Variants in KIF5C observed in about 807,000 individuals in gnomAD.
KIF5C encodes the protein kinesin family member 5C, also known as kinesin heavy chain isoform 5C.
Under a neutral mutation model 125.2 loss-of-function variants are expected in KIF5C, and 18 were observed. The observed-to-expected ratio is 0.14, with a 90% confidence interval of 0.10 to 0.21. The LOEUF (loss-of-function observed/expected upper bound fraction) is 0.21. KIF5C is among the 10% of genes least tolerant of loss of function. The probability of loss-of-function intolerance (pLI) is 1.00; values close to 1 mark genes in which losing one functional copy is unlikely to be tolerated. For missense variants in KIF5C, 780 were observed against 1,183.8 expected, an observed-to-expected ratio of 0.66 and a Z score of 5.01; for synonymous variants, 405 against 434.0, an observed-to-expected ratio of 0.93 and a Z score of 0.83.
intron 1 of KIF5C, among the ~76,000 whole-genome samples, chr2:148,895,117 C>T (rs923971976): frequency 2.2e-4 from 33 of 151,958 alleles, no homozygotes; most frequent in Non-Finnish European, 4.3e-4. Flanking sequence ...CAGCTGTTAT[C>T]CCCCTCACTC....
At chr2:148,930,668 T>C (rs1233898915) in intron 3 of KIF5C, among the ~76,000 whole-genome samples, 1 of 152,184 alleles carries the variant, frequency 6.6e-6, no homozygotes, top group African/African-American at 2.4e-5. Context: ...TGATTTCAAG[T>C]GTGGGGTACA....
intron 1 of KIF5C, 57 bp from the exon 2 acceptor site, chr2:148,922,080 C>G (rs1022322512): frequency 4.9e-6 from 6 of 1,226,828 alleles, no homozygotes; most frequent in Admixed American, 2.1e-5. Flanking sequence ...ATTTTTTATT[C>G]CTAAACATCT....
chr2:148,875,568 GGCCCCGGCCCCCCACCCATCCCCGT>G lies in KIF5C; in HGVS notation c.-44_-20del. Reference sequence around the variant, plus strand: ...CGCGGCCTCCTCCCTCGTCGTTCCCGGCCCCGGCCCCCCACCCATCCCCGTGCCCCCTCCCTACCGCCGGCCGAGA... The same window carrying G: ...CGCGGCCTCCTCCCTCGTCGTTCCCGGCCCCCTCCCTACCGCCGGCCGAGA... On this transcript the variant is annotated 5_prime_UTR_variant, in exon 1 of 26. Transcript: ENST00000435030. 1 of 792,776 alleles carries G rather than the reference GGCCCCGGCCCCCCACCCATCCCCGT, an allele frequency of 1.3e-6. No individual in the cohort carries two copies. Among genetic ancestry groups the G allele is most frequent in the Non-Finnish European group, 2.1e-6 (1 of 469,482 alleles). The allele number at this position is 792,776 out of a possible 1,614,324, so 49.1% of individuals were successfully genotyped here.
intron 12 of KIF5C, among the ~76,000 whole-genome samples, chr2:148,978,366 T>C (rs1681138524): frequency 1.6e-5 from 2 of 124,324 alleles, no homozygotes; most frequent in African/African-American, 3.0e-5. Flanking sequence ...TTTTTTTAAC[T>C]GTTAAGAAAA....
At chr2:148,993,182 C>T (rs1245439097) in intron 16 of KIF5C, among the ~76,000 whole-genome samples, 1 of 152,172 alleles carries the variant, frequency 6.6e-6, no homozygotes, top group Non-Finnish European at 1.5e-5. Flanking sequence ...TGGACATGTT[C>T]CTTTGGCCTG....
chr2:148,920,237 AG>A (rs1325309830), intron 1 of KIF5C, among the ~76,000 whole-genome samples: 1 of 152,240 alleles, frequency 6.6e-6, no homozygotes, highest in Non-Finnish European at 1.5e-5. Context: ...TTGTATAAAT[AG>A]GGGATTTGTT....
Position 149,008,146 on chromosome 2 carries a change from G to A in KIF5C, c.2550+79G>A, listed in dbSNP as rs952840116. ...GCCCCACCAGGTTTGGCCACAGTGT[G>A]CGGAGAAGGCACTGAGATTGAAGGT... On this transcript the variant is annotated intron_variant, in intron 23 of 25. Coordinates refer to ENST00000435030, the MANE Select transcript of KIF5C (RefSeq NM_004522.3). The A allele has an allele frequency of 4.8e-6, 7 of 1,456,394 alleles. No individual in the cohort carries two copies. In the African/African-American group the frequency reaches 7.0e-5, roughly 14 times the overall value. 90.2% of individuals were successfully genotyped at this position (1,456,394 alleles called of 1,614,324 possible).
At chr2:148,904,913 T>C (rs1681044892) in intron 1 of KIF5C, among the ~76,000 whole-genome samples, 1 of 152,228 alleles carries the variant, frequency 6.6e-6, no homozygotes, top group Admixed American at 6.5e-5. Flanking sequence ...TATTCCTCTT[T>C]CAGCCCTTCT....
chr2:148,875,546 G>T lies in KIF5C; in HGVS notation c.-72G>T, dbSNP rs1011777032. 85 of 1,280,202 alleles carry T rather than the reference G, an allele frequency of 6.6e-5. No homozygotes were observed. In the South Asian group the frequency reaches 1.1e-3, roughly 17 times the overall value. The allele number at this position is 1,280,202 out of a possible 1,614,324, so 79.3% of individuals were successfully genotyped here. On this transcript the variant is annotated 5_prime_UTR_variant, in exon 1 of 26. Coordinates refer to ENST00000435030, the MANE Select transcript of KIF5C (RefSeq NM_004522.3). The stretch of plus-strand genomic sequence containing the variant: ...CCTAGCTGTGGGCGGTGCAGCTCGC[G>T]GCCTCCTCCCTCGTCGTTCCCGGCC...
Position 148,950,479 on chromosome 2 carries a change from A to G in KIF5C, c.968+17A>G. On this transcript the variant is annotated intron_variant, in intron 10 of 25. Transcript: ENST00000435030. ...CGGACAGAGGTACGTGTGGTCTCTC[A>G]GGACCCATCCTCTGTGCTAGGTCTT... The G allele has an allele frequency of 1.9e-6, 3 of 1,609,878 alleles. No individual in the cohort carries two copies. Among genetic ancestry groups the G allele is most frequent in the South Asian group, 1.1e-5 (1 of 90,154 alleles).
chr2:149,005,987 T>C (rs541499602), intron 22 of KIF5C, among the ~76,000 whole-genome samples: 16 of 152,306 alleles, frequency 1.1e-4, no homozygotes, highest in African/African-American at 3.8e-4. Flanking sequence ...GTTAAATAAC[T>C]TACCCAATAT....
At chr2:148,922,284 G>C in intron 2 of KIF5C, 57 bp downstream of exon 2, 1 of 1,183,018 alleles carries the variant, frequency 8.5e-7, no homozygotes, top group Non-Finnish European at 1.2e-6. Flanking sequence ...AAAGCATTAA[G>C]TGATATTTGC....
At position 149,010,053 on chromosome 2, in the gene KIF5C, G is replaced by T. The variant is rs1682137305; in HGVS notation, c.2551-82G>T. On this transcript the variant is annotated intron_variant, in intron 23 of 25. Coordinates refer to ENST00000435030, the MANE Select transcript of KIF5C (RefSeq NM_004522.3). ...CCTAGCAGGGGCCACCTGTTCAGCA[G>T]CAGGGGCTGCTTCTGGCTGCTCTGG... 2.8e-5 allele frequency: 41 copies of T among 1,466,618 alleles called. No individual in the cohort carries two copies. The South Asian group carries it at 5.4e-4, about 19-fold the overall frequency. The allele number at this position is 1,466,618 out of a possible 1,614,324, so 90.9% of individuals were successfully genotyped here. A position where few individuals can be genotyped will look rare whatever the true frequency, so the allele number is the denominator to read the frequency against.
Position 148,876,207 on chromosome 2 carries a change from G to C in KIF5C, c.126+464G>C, listed in dbSNP as rs748414857. Among the ~76,000 whole-genome samples, 42 of 152,304 alleles carry C rather than the reference G, an allele frequency of 2.8e-4. No individual in the cohort carries two copies. Among genetic ancestry groups the C allele is most frequent in the Admixed American group, 6.5e-4 (10 of 15,304 alleles). On this transcript the variant is annotated intron_variant, in intron 1 of 25. Transcript: ENST00000435030. The surrounding 1 kb of genome is among the most constrained non-coding windows in gnomAD (Gnocchi z 4.7). ...TTCTTCTCACGACCCTAGCAAAAAA[G>C]AAAGAAAAAGGGGTACAGGAAAATT...
At chr2:148,946,773 G>C in intron 7 of KIF5C, 126 bp from the exon 8 acceptor site, 1 of 1,358,366 alleles carries the variant, frequency 7.4e-7, no homozygotes, top group Non-Finnish European at 9.8e-7. Context: ...ATAATTTTTA[G>C]AATTGACTGG....
At position 148,901,445 on chromosome 2, in the gene KIF5C, G is replaced by A. The variant is rs574512317; in HGVS notation, c.127-20692G>A. Among the ~76,000 whole-genome samples, 4 of 152,254 alleles carry A rather than the reference G, an allele frequency of 2.6e-5. No homozygotes were observed. In the South Asian group the frequency reaches 6.2e-4, roughly 24 times the overall value. Reference sequence around the variant, plus strand: ...AGCTGCAGGAATAGAGGGCAGGGATGTGAGGGAGACGTTTCACTTTTATAC... The same window carrying A: ...AGCTGCAGGAATAGAGGGCAGGGATATGAGGGAGACGTTTCACTTTTATAC... On this transcript the variant is annotated intron_variant, in intron 1 of 25. Transcript: ENST00000435030.
chr2:148,881,383 TGTGC>T (rs1451149253), intron 1 of KIF5C, among the ~76,000 whole-genome samples: 2 of 152,182 alleles, frequency 1.3e-5, no homozygotes, highest in Non-Finnish European at 2.9e-5. Flanking sequence ...CATGTTTGTG[TGTGC>T]GTGTGCGTGT....
rs80294961 is a variant in KIF5C at position 149,004,512 on chromosome 2, G to A, written c.2374-881G>A. On this transcript the variant is annotated intron_variant, in intron 21 of 25. Coordinates refer to ENST00000435030, the MANE Select transcript of KIF5C (RefSeq NM_004522.3). The stretch of plus-strand genomic sequence containing the variant: ...ATCACCAGATTTGGCTCAGGCTCTT[G>A]TCTCAGTAATCTAATTCCTAAGGTT... Among the ~76,000 whole-genome samples the A allele has an allele frequency of 3.4e-4, 51 of 152,238 alleles. 1 individual carries two copies. In the East Asian group the frequency reaches 9.7e-3, roughly 29 times the overall value.
At chr2:148,960,286 T>C (rs1425016904) in intron 10 of KIF5C, among the ~76,000 whole-genome samples, 1 of 152,238 alleles carries the variant, frequency 6.6e-6, no homozygotes, top group South Asian at 2.1e-4. Flanking sequence ...CAAGGGACTC[T>C]TTATGATTTA....
Sources: gnomAD v4.1 joint callset for allele counts (sites outside exome capture counted in the v4.1 genomes callset) on GRCh38, gnomAD v4.1.1 for gene constraint, Gnocchi (gnomAD v3.1) non-coding constraint, MANE v1.5 for transcripts, NCBI Gene and HGNC (gene_info 2026-07-23, HGNC 2026-07-21) for gene names.